Variants in ZNF273 observed in about 807,000 individuals in gnomAD.
ZNF273 encodes zinc finger protein 9.
A neutral mutation model predicts 14.9 loss-of-function variants in ZNF273; 11 were observed. The observed-to-expected ratio is 0.74, with a 90% CI of 0.46 to 1.22. The LOEUF is 1.22. ZNF273 is among the 50% of genes most tolerant of loss of function. ZNF273 has a pLI of 0.00. For missense variants in ZNF273, 577 were observed against 660.6 expected (o/e 0.87, Z 1.39); for synonymous variants, 199 against 223.9 (o/e 0.89, Z 0.99).
chr7:64,904,559 T>G (rs1792958769), intron 1 of ZNF273, among the ~76,000 whole-genome samples: 2 of 152,202 alleles, frequency 1.3e-5, no homozygotes, highest in African/African-American at 4.8e-5. Flanking sequence ...CCCAATTCCT[T>G]CAGCCTAACT....
chr7:64,878,338 C>T (rs1791167870), intron 1 of ZNF273: 1 of 152,252 alleles, frequency 6.6e-6, no homozygotes, highest in South Asian at 2.1e-4. Context: ...CCCCATTGTC[C>T]TAAGGACAAC....
upstream of ZNF273, among the ~76,000 whole-genome samples, chr7:64,901,590 A>G (rs1252802370): frequency 6.6e-6 from 1 of 152,162 alleles, no homozygotes; most frequent in East Asian, 1.9e-4. Flanking sequence ...GTCTTATGCT[A>G]TTCCAGATGA....
rs1431185800 is a variant in ZNF273 at position 64,930,107 on chromosome 7, G to C, written c.*1069G>C. 6.6e-6 allele frequency: 1 copy of C among 152,128 alleles called. No individual in the cohort carries two copies. The highest frequency in any genetic ancestry group is 1.9e-4 in the East Asian group (1 of 5,178). The allele number at this position is 152,128 out of a possible 1,614,324, so 9.4% of individuals were successfully genotyped here. A position where few individuals can be genotyped will look rare whatever the true frequency, so the allele number is the denominator to read the frequency against. ...TCAAACTCCCAACCTCAGGTGATAT[G>C]CCCGCCTCGGCCTCCCAAAATGTTG... is the stretch of plus-strand genomic sequence containing the variant. On this transcript the variant is annotated 3_prime_UTR_variant, in exon 4 of 4. Transcript: ENST00000476120.
At chr7:64,912,720 C>T (rs1262706172) in intron 1 of ZNF273, among the ~76,000 whole-genome samples, 2 of 150,942 alleles carry the variant, frequency 1.3e-5, no homozygotes, top group Admixed American at 6.6e-5. Context: ...TTTCTTAAAG[C>T]ATTTAGATTA....
At chr7:64,932,469 G>A (rs1014972580), downstream of ZNF273, among the ~76,000 whole-genome samples, 2 of 152,012 alleles carry the variant, frequency 1.3e-5, no homozygotes, top group Non-Finnish European at 2.9e-5. Flanking sequence ...ACCACGCCTG[G>A]CTAATTTTGT....
chr7:64,925,244 T>C (rs998778922), intron 3 of ZNF273, among the ~76,000 whole-genome samples: 10 of 152,010 alleles, frequency 6.6e-5, no homozygotes, highest in Non-Finnish European at 1.2e-4. Context: ...CTTGTATCTT[T>C]GTCTCTCATT....
Position 64,929,556 on chromosome 7 carries a change from G to A in ZNF273, c.*518G>A, listed in dbSNP as rs1794928321. On this transcript the variant is annotated 3_prime_UTR_variant, in exon 4 of 4. Transcript: ENST00000476120. The stretch of plus-strand genomic sequence containing the variant: ...TACACTAAAATATATTTTTGCAAAT[G>A]CAGCAGTAAATATGAAAGAAATGAT... The A allele has an allele frequency of 6.6e-6, 1 of 152,200 alleles. No individual in the cohort carries two copies. Among genetic ancestry groups the A allele is most frequent in the South Asian group, 2.1e-4 (1 of 4,834 alleles). 9.4% of individuals were successfully genotyped at this position (152,200 alleles called of 1,614,324 possible).
chr7:64,925,378 A>G (rs180834307), intron 3 of ZNF273, among the ~76,000 whole-genome samples: 513 of 152,302 alleles, frequency 3.4e-3, no homozygotes, highest in African/African-American at 0.012. Context: ...TCTAAAAGAT[A>G]AAACAATATA....
At chr7:64,903,931 A>G (rs1792908651) in intron 1 of ZNF273, among the ~76,000 whole-genome samples, 1 of 152,228 alleles carries the variant, frequency 6.6e-6, no homozygotes, top group Non-Finnish European at 1.5e-5. Flanking sequence ...AAGAAAGCCA[A>G]TAATTGGTTA....
downstream of ZNF273, among the ~76,000 whole-genome samples, chr7:64,894,642 G>A (rs564252483): frequency 6.6e-6 from 1 of 150,404 alleles, no homozygotes; most frequent in Non-Finnish European, 1.5e-5. Context: ...ATACTCTTTT[G>A]CCATTTCATA....
chr7:64,895,580 G>T (rs1792321067), intron 3 of ZNF273, among the ~76,000 whole-genome samples: 1 of 151,826 alleles, frequency 6.6e-6, no homozygotes, highest in African/African-American at 2.4e-5. Context: ...GAAACCACAG[G>T]GTAAAATGAG....
chr7:64,936,972 CTA>C, the ZNF273 span, among the ~76,000 whole-genome samples: 1 of 152,166 alleles, frequency 6.6e-6, no homozygotes, highest in African/African-American at 2.4e-5. Context: ...ACAGGTAAGA[CTA>C]TGAAGTCATG....
intron 3 of ZNF273, among the ~76,000 whole-genome samples, chr7:64,918,947 T>A (rs942171089): frequency 6.6e-6 from 1 of 152,198 alleles, no homozygotes; most frequent in African/African-American, 2.4e-5. Flanking sequence ...TGAGAAACTC[T>A]GTGTTAAACT....
chr7:64,930,933 TA>T lies in ZNF273; in HGVS notation c.*1900del, dbSNP rs1307756281. 1 of 152,086 alleles carries T rather than the reference TA, an allele frequency of 6.6e-6. No individual in the cohort carries two copies. The highest frequency in any genetic ancestry group is 2.4e-5 in the African/African-American group (1 of 41,434). 9.4% of individuals were successfully genotyped at this position (152,086 alleles called of 1,614,324 possible). ...TACAGGGTTATTTTTATGGTCATAA[TA>T]AAAATTACAAAAGTATGAATAAAAT... is the stretch of plus-strand genomic sequence containing the variant. On this transcript the variant is annotated 3_prime_UTR_variant, in exon 4 of 4. Transcript: ENST00000476120.
intron 2 of ZNF273, among the ~76,000 whole-genome samples, chr7:64,917,985 C>T (rs1005913243): frequency 9.2e-5 from 14 of 152,044 alleles, no homozygotes; most frequent in African/African-American, 3.4e-4. Flanking sequence ...TAATTGCCAC[C>T]ACTAATTTTT....
chr7:64,917,917 T>C (rs1361007195), intron 2 of ZNF273, among the ~76,000 whole-genome samples: 1 of 152,168 alleles, frequency 6.6e-6, no homozygotes, highest in Admixed American at 6.6e-5. Flanking sequence ...TCCTTCACTC[T>C]AGATTAATGG....
intron 1 of ZNF273, among the ~76,000 whole-genome samples, chr7:64,886,470 C>T (rs1395894447): frequency 6.6e-6 from 1 of 152,206 alleles, no homozygotes; most frequent in Non-Finnish European, 1.5e-5. Context: ...GAAAATTTAA[C>T]TCTACTAATA....
intron 1 of ZNF273, among the ~76,000 whole-genome samples, chr7:64,884,828 A>C (rs1437499736): frequency 1.3e-5 from 2 of 152,218 alleles, no homozygotes; most frequent in Non-Finnish European, 2.9e-5. Context: ...GCGGGACCCG[A>C]CTAATGAGAC....
intron 3 of ZNF273, chr7:64,923,258 AGTT>A (rs1794594007): frequency 2.3e-6 from 1 of 439,458 alleles, no homozygotes. Flanking sequence ...TTATCGTTAT[AGTT>A]GTTAGAATAT....
Sources: allele counts gnomAD v4.1 joint callset (sites outside exome capture counted in the v4.1 genomes callset), GRCh38; gene constraint gnomAD v4.1.1; transcripts MANE v1.5; gene names NCBI Gene and HGNC (gene_info 2026-07-23, HGNC 2026-07-21).